Variants in SGCZ observed in about 807,000 individuals in gnomAD.
SGCZ encodes the protein zeta-sarcoglycan.
SGCZ carries 40 observed loss-of-function variants against 41.3 expected under a neutral mutation model. The observed-to-expected ratio is 0.97, with a 90% CI of 0.75 to 1.26. SGCZ has a LOEUF of 1.26. SGCZ is among the 50% of genes most tolerant of loss of function. SGCZ has a pLI of 0.00. For synonymous variants in SGCZ, 206 were observed against 137.5 expected (o/e 1.50, Z -3.49); for missense variants, 552 against 369.8 (o/e 1.49, Z -4.04).
chr8:14,430,504 A>T (rs1214450655), intron 2 of SGCZ, among the ~76,000 whole-genome samples: 1 of 152,168 alleles, frequency 6.6e-6, no homozygotes, highest in East Asian at 1.9e-4. Context: ...AAACTTTATG[A>T]CGAAAACTCT....
intron 1 of SGCZ, among the ~76,000 whole-genome samples, chr8:14,630,067 G>A (rs1912472): frequency 0.085 from 12,929 of 152,038 alleles, 1,235 homozygotes; most frequent in East Asian, 0.54. Flanking sequence ...CCCATTCCTT[G>A]ATTTCCATGA....
chr8:14,341,081 T>C (rs1802688831), intron 2 of SGCZ, among the ~76,000 whole-genome samples: 4 of 152,194 alleles, frequency 2.6e-5, no homozygotes, highest in Admixed American at 2.6e-4. Flanking sequence ...TCAAGAGTCA[T>C]CTATGTTGTA....
chr8:14,223,599 C>G (rs34516872), intron 4 of SGCZ, among the ~76,000 whole-genome samples: 36,259 of 151,820 alleles, frequency 0.24, 5,549 homozygotes, highest in Non-Finnish European at 0.34. Context: ...AAATATAAAA[C>G]TTCAATGTCC....
intron 1 of SGCZ, among the ~76,000 whole-genome samples, chr8:15,047,533 C>T (rs1040663063): frequency 3.3e-5 from 5 of 151,954 alleles, no homozygotes; most frequent in African/African-American, 4.8e-5. Flanking sequence ...CCTTTAAAGT[C>T]TTCTACTACA....
chr8:14,750,674 A>G lies in SGCZ; in HGVS notation c.40-195748T>C, dbSNP rs190521199. Among the ~76,000 whole-genome samples the G allele has an allele frequency of 1.5e-4, 23 of 152,350 alleles. 1 individual carries two copies. Among genetic ancestry groups the G allele is most frequent in the Middle Eastern group, 3.4e-3 (1 of 294 alleles). On this transcript the variant is annotated intron_variant, in intron 1 of 7. Transcript: ENST00000382080. The stretch of plus-strand genomic sequence containing the variant: ...TTCAGAGACATTATGATACAAAATG[A>G]ATAAAAGCTGATCAGATATGAACTA...
intron 2 of SGCZ, among the ~76,000 whole-genome samples, chr8:14,517,824 TTTTGA>T (rs752311787): frequency 2.6e-5 from 4 of 151,848 alleles, no homozygotes; most frequent in Non-Finnish European, 5.9e-5. Flanking sequence ...TCCATTTATA[TTTTGA>T]TTTAATTGAA....
At chr8:14,351,846 T>G (rs2117105991) in intron 2 of SGCZ, among the ~76,000 whole-genome samples, 1 of 152,228 alleles carries the variant, frequency 6.6e-6, no homozygotes, top group African/African-American at 2.4e-5. Context: ...GCATAAAAGC[T>G]AAGCATTGGG....
intron 1 of SGCZ, among the ~76,000 whole-genome samples, chr8:14,734,476 A>G (rs895638667): frequency 1.3e-5 from 2 of 152,178 alleles, no homozygotes; most frequent in African/African-American, 4.8e-5. Flanking sequence ...TATACCTTCA[A>G]AGAAGCACCG....
chr8:15,189,133 G>C (rs948473672), intron 1 of SGCZ, among the ~76,000 whole-genome samples: 6 of 152,116 alleles, frequency 3.9e-5, no homozygotes, highest in East Asian at 1.9e-4. Flanking sequence ...GTTTTGCTTT[G>C]ATATAGATCA....
intron 2 of SGCZ, among the ~76,000 whole-genome samples, chr8:14,327,243 G>C (rs1276147189): frequency 6.6e-6 from 1 of 152,148 alleles, no homozygotes; most frequent in African/African-American, 2.4e-5. Context: ...GGCATGATAA[G>C]ACTTACAGAA....
chr8:14,255,096 G>A (rs985213693), intron 3 of SGCZ, among the ~76,000 whole-genome samples: 7 of 151,978 alleles, frequency 4.6e-5, no homozygotes, highest in Admixed American at 6.6e-5. Context: ...TCTCTCTCTC[G>A]TCTCCCTCCC....
Position 14,915,043 on chromosome 8 carries a change from A to AT in SGCZ, c.39+322541dup, listed in dbSNP as rs1203584023. 5.3e-5 allele frequency among the ~76,000 whole-genome samples: 8 copies of AT among 152,106 alleles called. No individual in the cohort carries two copies. The East Asian group carries it at 9.7e-4, about 18-fold the overall frequency. On this transcript the variant is annotated intron_variant, in intron 1 of 7. Coordinates refer to ENST00000382080, the MANE Select transcript of SGCZ (RefSeq NM_139167.4). ...TTATGTATCTTACCCCAGTAAAAAT[A>AT]TTTTTTTTCAGCTAGTAAAAGCTCT...
At chr8:14,436,088 T>C (rs987622955) in intron 2 of SGCZ, among the ~76,000 whole-genome samples, 2 of 152,188 alleles carry the variant, frequency 1.3e-5, no homozygotes, top group Non-Finnish European at 2.9e-5. Context: ...GATAGAGAAA[T>C]GCAGTGGATG....
At chr8:14,867,491 T>G (rs1803975577) in intron 1 of SGCZ, among the ~76,000 whole-genome samples, 1 of 152,044 alleles carries the variant, frequency 6.6e-6, no homozygotes, top group Non-Finnish European at 1.5e-5. Context: ...CTGGGTAGAA[T>G]AGTATTTCTG....
At chr8:14,839,178 T>C (rs1490024693) in intron 1 of SGCZ, among the ~76,000 whole-genome samples, 3 of 152,038 alleles carry the variant, frequency 2.0e-5, no homozygotes, top group Non-Finnish European at 4.4e-5. Flanking sequence ...GATAGTGAAA[T>C]AGCGGGGTGA....
intron 3 of SGCZ, among the ~76,000 whole-genome samples, chr8:14,305,076 G>A (rs1801308153): frequency 6.6e-6 from 1 of 152,084 alleles, no homozygotes; most frequent in African/African-American, 2.4e-5. Context: ...TTAACTTACA[G>A]TGTTTTAATA....
At chr8:14,982,096 G>T (rs1398897217) in intron 1 of SGCZ, among the ~76,000 whole-genome samples, 1 of 151,384 alleles carries the variant, frequency 6.6e-6, no homozygotes, top group African/African-American at 2.4e-5. Flanking sequence ...TTTGCAGTGA[G>T]CCAGGATCAC....
At chr8:14,431,421 C>T (rs1410835343) in intron 2 of SGCZ, among the ~76,000 whole-genome samples, 1 of 151,996 alleles carries the variant, frequency 6.6e-6, no homozygotes, top group African/African-American at 2.4e-5. Flanking sequence ...ACAAAGCAAA[C>T]AAAGACATGA....
Position 14,738,270 on chromosome 8 carries a change from G to C in SGCZ, c.40-183344C>G, listed in dbSNP as rs1428670903. 6.6e-5 allele frequency among the ~76,000 whole-genome samples: 10 copies of C among 152,104 alleles called. No individual in the cohort carries two copies. The East Asian group carries it at 1.4e-3, about 21-fold the overall frequency. On this transcript the variant is annotated intron_variant, in intron 1 of 7. Transcript: ENST00000382080. The stretch of plus-strand genomic sequence containing the variant: ...ATTGACAAGATTTTACAGCATGCTA[G>C]AATTCTCCCCTCTTGTACAGCCTCA...
Sources: allele counts gnomAD v4.1 joint callset (sites outside exome capture counted in the v4.1 genomes callset), GRCh38; gene constraint gnomAD v4.1.1; transcripts MANE v1.5; gene names NCBI Gene and HGNC (gene_info 2026-07-23, HGNC 2026-07-21).